Variants in CDC73 observed in about 807,000 individuals in gnomAD.
CDC73 encodes cell division cycle 73, also known as parafibromin.
A neutral mutation model predicts 83.7 loss-of-function variants in CDC73; 21 were observed. That is an observed-to-expected ratio of 0.25 (90% CI 0.18 to 0.36). The LOEUF (loss-of-function observed/expected upper bound fraction) is 0.36, where lower values mean the gene tolerates loss of function less well. Among genes scored for constraint, CDC73 ranks in the 10% least tolerant of loss-of-function variants. The pLI is 1.00. For synonymous variants in CDC73, 224 were observed against 212.9 expected (o/e 1.05, Z -0.45); for missense variants, 342 against 653.3 (o/e 0.52, Z 5.19).
chr1:193,141,219 C>T (rs1002453174), intron 6 of CDC73: 4 of 152,320 alleles, frequency 2.6e-5, no homozygotes, highest in Admixed American at 6.5e-5. Context: ...CATTTTATGA[C>T]GTATACTTTC....
At position 193,233,026 on chromosome 1, in the gene CDC73, T is replaced by C. The variant is rs1205766785; in HGVS notation, c.1188T>C (p.Gly396=). The change falls in exon 14 of 17, where the codon GGT becomes GGC. Residue 396 remains glycine (G), a synonymous_variant. Transcript: ENST00000367435. ...FVPSDEKKKQ[G]CQRENETLIQ... ...CATCAGATGAAAAGAAGAAACAAGG[T>C]TGTCAACGAGAAAATGAAACTCTAA... 6.2e-7 allele frequency: 1 copy of C among 1,613,958 alleles called. No homozygotes were observed. Among genetic ancestry groups the C allele is most frequent in the Non-Finnish European group, 8.5e-7 (1 of 1,179,836 alleles).
At chr1:193,212,226 G>C in intron 12 of CDC73, 126 bp downstream of exon 12, 1 of 877,618 alleles carries the variant, frequency 1.1e-6, no homozygotes, top group Non-Finnish European at 1.8e-6. Flanking sequence ...ATTTATTAGT[G>C]CCCAAGCCAC....
chr1:193,130,352 C>G, intron 3 of CDC73, 109 bp downstream of exon 3: 1 of 782,408 alleles, frequency 1.3e-6, no homozygotes, highest in Non-Finnish European at 2.2e-6. Flanking sequence ...AAAAAATTAA[C>G]CTACCTTCAT....
chr1:193,177,393 G>A (rs1020581984), intron 10 of CDC73, among the ~76,000 whole-genome samples: 1 of 149,828 alleles, frequency 6.7e-6, no homozygotes, highest in Non-Finnish European at 1.5e-5. Context: ...AGCCGGGCGC[G>A]GTGGCAGGCA....
chr1:193,180,556 C>T lies in CDC73; in HGVS notation c.973-23239C>T, dbSNP rs752275297. Reference sequence around the variant, plus strand: ...TACATATACATCTTCCAAGTGCAAACGGCGGATACCTAAAGAAACTTTAAA... The same window carrying T: ...TACATATACATCTTCCAAGTGCAAATGGCGGATACCTAAAGAAACTTTAAA... On this transcript the variant is annotated intron_variant, in intron 10 of 16. Transcript: ENST00000367435. 8.4e-5 allele frequency: 136 copies of T among 1,614,058 alleles called. No individual in the cohort carries two copies. Among genetic ancestry groups the T allele is most frequent in the South Asian group, 5.1e-4 (46 of 91,084 alleles).
chr1:193,244,026 C>G (rs1193709643), intron 15 of CDC73, among the ~76,000 whole-genome samples: 1 of 152,140 alleles, frequency 6.6e-6, no homozygotes, highest in Non-Finnish European at 1.5e-5. Context: ...CAGGTTGATA[C>G]TGATCATAAT....
intron 7 of CDC73, among the ~76,000 whole-genome samples, chr1:193,143,164 T>C (rs562254744): frequency 3.9e-5 from 6 of 152,350 alleles, no homozygotes; most frequent in African/African-American, 1.2e-4. Context: ...TTTTCTTTTG[T>C]ACTTTGACTT....
At chr1:193,207,360 CAG>C (rs1350751327) in intron 11 of CDC73, among the ~76,000 whole-genome samples, 1 of 152,146 alleles carries the variant, frequency 6.6e-6, no homozygotes, top group Non-Finnish European at 1.5e-5. Context: ...AACATCTTAA[CAG>C]AAAACAGGGT....
intron 3 of CDC73, among the ~76,000 whole-genome samples, chr1:193,131,760 A>G (rs567602997): frequency 5.4e-4 from 82 of 152,228 alleles, no homozygotes; most frequent in African/African-American, 1.8e-3. Context: ...CTTGCTTACT[A>G]TTTCATTTAG....
intron 15 of CDC73, among the ~76,000 whole-genome samples, chr1:193,237,729 G>A (rs1464982284): frequency 3.3e-5 from 5 of 152,068 alleles, no homozygotes; most frequent in African/African-American, 1.2e-4. Context: ...TCAGGGCTGC[G>A]GCTGCTGTGA....
intron 10 of CDC73, among the ~76,000 whole-genome samples, chr1:193,159,301 G>T (rs1676266336): frequency 6.6e-6 from 1 of 152,094 alleles, no homozygotes; most frequent in Non-Finnish European, 1.5e-5. Flanking sequence ...TTGTTTTGAG[G>T]TTTAACTGTA....
intron 13 of CDC73, among the ~76,000 whole-genome samples, chr1:193,216,593 G>T (rs1677371726): frequency 6.6e-6 from 1 of 151,798 alleles, no homozygotes; most frequent in Admixed American, 6.6e-5. Flanking sequence ...AACTCATTCT[G>T]TGAAGCCAGC....
chr1:193,248,457 A>T (rs1572225404), intron 15 of CDC73, among the ~76,000 whole-genome samples: 1 of 152,094 alleles, frequency 6.6e-6, no homozygotes, highest in East Asian at 1.9e-4. Context: ...CCATAGATCA[A>T]GGAGTGATTT....
At chr1:193,243,287 T>C (rs1178425292) in intron 15 of CDC73, among the ~76,000 whole-genome samples, 1 of 152,226 alleles carries the variant, frequency 6.6e-6, no homozygotes, top group Non-Finnish European at 1.5e-5. Flanking sequence ...TTAATACTTT[T>C]TCTGAATAGG....
At chr1:193,184,928 A>G (rs1305860659) in intron 10 of CDC73, among the ~76,000 whole-genome samples, 1 of 151,992 alleles carries the variant, frequency 6.6e-6, no homozygotes, top group East Asian at 1.9e-4. Flanking sequence ...TGTGAAATTG[A>G]GGAAAAATCA....
chr1:193,190,518 G>A (rs1461709627), intron 10 of CDC73, among the ~76,000 whole-genome samples: 4 of 152,216 alleles, frequency 2.6e-5, no homozygotes, highest in African/African-American at 9.6e-5. Flanking sequence ...GAATTAGCCT[G>A]ATTGCAAATA....
intron 10 of CDC73, among the ~76,000 whole-genome samples, chr1:193,200,611 A>C (rs891303865): frequency 4.6e-5 from 7 of 152,200 alleles, no homozygotes; most frequent in Non-Finnish European, 1.0e-4. Context: ...TCCACTTAGC[A>C]CAACTTGTCA....
In CDC73 at chr1:193,198,852, T is replaced by A. The variant is rs79577869; in HGVS notation, c.973-4943T>A. Reference sequence around the variant, plus strand: ...TGGGCAAGTAACTGGTTTTTGCTTGTTTGTTTGTTGTAGTTTAATTTTCTC... The same window carrying A: ...TGGGCAAGTAACTGGTTTTTGCTTGATTGTTTGTTGTAGTTTAATTTTCTC... On this transcript the variant is annotated intron_variant, in intron 10 of 16. Transcript: ENST00000367435. 2.1e-3 allele frequency among the ~76,000 whole-genome samples: 316 copies of A among 152,328 alleles called. 2 individuals are homozygous for A. The highest frequency in any genetic ancestry group is 6.6e-3 in the African/African-American group (275 of 41,566).
Position 193,236,280 on chromosome 1 carries a change from G to T in CDC73, c.1341G>T (p.Val447=), listed in dbSNP as rs771409544. The T allele has an allele frequency of 1.9e-6, 3 of 1,613,730 alleles. No individual in the cohort carries two copies. The highest frequency in any genetic ancestry group is 2.2e-5 in the South Asian group (2 of 91,074). ...GGGACCGCGTTGTAGCCGTTTTTGT[G>T]CAGGGTCCTGCATGGCAGTTCAAAG... ...QDWDRVVAVF[V]QGPAWQFKGW... Residue 447 remains valine (V), a synonymous_variant, in exon 15 of 17, where the codon GTG becomes GTT. Coordinates refer to ENST00000367435, the MANE Select transcript of CDC73 (RefSeq NM_024529.5).
Sources: gnomAD v4.1 joint callset for allele counts (sites outside exome capture counted in the v4.1 genomes callset) on GRCh38, gnomAD v4.1.1 for gene constraint, MANE v1.5 for transcripts, NCBI Gene and HGNC (gene_info 2026-07-23, HGNC 2026-07-21) for gene names.